Variants in DCC observed in about 807,000 individuals in gnomAD.
DCC encodes the protein netrin receptor DCC.
DCC carries 58 observed loss-of-function variants against 172.5 expected under a neutral mutation model. The observed-to-expected ratio is 0.34, with a 90% CI of 0.27 to 0.42. The LOEUF is 0.42. Ranked by LOEUF, DCC falls within the 10% of genes least tolerant of loss-of-function variation. The pLI, the probability that DCC is intolerant of heterozygous loss-of-function variation, is 1.00. For synonymous variants in DCC, 709 were observed against 644.5 expected, an observed-to-expected ratio of 1.10 and a Z score of -1.52; for missense variants, 1,740 against 1,791.0, an observed-to-expected ratio of 0.97 and a Z score of 0.51.
chr18:52,888,933 A>G (rs2039607665), intron 2 of DCC, among the ~76,000 whole-genome samples: 1 of 152,108 alleles, frequency 6.6e-6, no homozygotes, highest in Non-Finnish European at 1.5e-5. Flanking sequence ...ACATATATAT[A>G]CATACAAGCA....
At chr18:52,562,901 A>G (rs1332316697) in intron 1 of DCC, among the ~76,000 whole-genome samples, 4 of 152,050 alleles carry the variant, frequency 2.6e-5, no homozygotes, top group African/African-American at 4.8e-5. Context: ...AAGTGCTGGG[A>G]TTACAGGTGT....
At chr18:53,012,311 C>G (rs1399639792) in intron 5 of DCC, among the ~76,000 whole-genome samples, 1 of 152,006 alleles carries the variant, frequency 6.6e-6, no homozygotes, top group East Asian at 1.9e-4. Context: ...ATAAAATAAA[C>G]AATTTTGATG....
At chr18:52,448,211 AC>A (rs1988186411) in intron 1 of DCC, among the ~76,000 whole-genome samples, 1 of 152,196 alleles carries the variant, frequency 6.6e-6, no homozygotes, top group Admixed American at 6.5e-5. Flanking sequence ...CGAGGGATCG[AC>A]ATTGTGTGCT....
intron 12 of DCC, among the ~76,000 whole-genome samples, chr18:53,235,919 C>T (rs182212015): frequency 1.1e-4 from 16 of 152,142 alleles, no homozygotes; most frequent in East Asian, 5.8e-4. Context: ...TTCTGAGATC[C>T]ATGCATGGTA....
At chr18:52,963,616 T>C (rs1036363982) in intron 5 of DCC, among the ~76,000 whole-genome samples, 4 of 151,984 alleles carry the variant, frequency 2.6e-5, no homozygotes, top group African/African-American at 9.7e-5. Flanking sequence ...TGGGAAGGTG[T>C]TGTGGAGGCC....
At chr18:53,052,804 C>G (rs537477892) in intron 5 of DCC, among the ~76,000 whole-genome samples, 2 of 152,162 alleles carry the variant, frequency 1.3e-5, no homozygotes, top group African/African-American at 4.8e-5. Context: ...AAACCAACCT[C>G]CATCCCCTGT....
chr18:52,809,799 A>G (rs2038160431), intron 2 of DCC, among the ~76,000 whole-genome samples: 2 of 151,996 alleles, frequency 1.3e-5, no homozygotes, highest in Admixed American at 1.3e-4. Flanking sequence ...GCCACTCCCA[A>G]CTCGAATGCC....
intron 24 of DCC, 108 bp downstream of exon 24, chr18:53,459,566 G>A: frequency 1.3e-6 from 1 of 761,664 alleles, no homozygotes; most frequent in Non-Finnish European, 2.3e-6. Flanking sequence ...ATGTCATTAT[G>A]GGTCATTTAT....
At chr18:52,373,923 C>G (rs112281557) in intron 1 of DCC, among the ~76,000 whole-genome samples, 7 of 132,854 alleles carry the variant, frequency 5.3e-5, no homozygotes, top group African/African-American at 2.0e-4. Flanking sequence ...GACGGAGTCT[C>G]GCTCTGTCAT....
intron 25 of DCC, among the ~76,000 whole-genome samples, chr18:53,475,323 G>C (rs1462481744): frequency 6.6e-6 from 1 of 152,174 alleles, no homozygotes; most frequent in Non-Finnish European, 1.5e-5. Flanking sequence ...CAATATAATA[G>C]GGGAAATGTT....
At chr18:53,157,309 A>G (rs1247036803) in intron 7 of DCC, 47 bp from the exon 8 acceptor site, 1 of 1,612,852 alleles carries the variant, frequency 6.2e-7, no homozygotes, top group South Asian at 1.1e-5. Flanking sequence ...CCCAATTCTT[A>G]CCTATGGCAG....
At chr18:52,901,954 A>C (rs773089494) in intron 2 of DCC, among the ~76,000 whole-genome samples, 1 of 152,198 alleles carries the variant, frequency 6.6e-6, no homozygotes, top group Non-Finnish European at 1.5e-5. Context: ...AAAATTTAAA[A>C]GGTGGAGTGA....
intron 2 of DCC, among the ~76,000 whole-genome samples, chr18:52,835,486 A>G (rs551250980): frequency 6.6e-6 from 1 of 152,308 alleles, no homozygotes; most frequent in South Asian, 2.1e-4. Flanking sequence ...GAAAATGTTG[A>G]AGGAAATATG....
intron 5 of DCC, among the ~76,000 whole-genome samples, chr18:52,929,225 A>G (rs990061148): frequency 6.6e-6 from 1 of 152,122 alleles, no homozygotes; most frequent in African/African-American, 2.4e-5. Context: ...TAGCACAGAA[A>G]GATAAGTGGC....
At position 53,531,657 on chromosome 18, in the gene DCC, C is replaced by T. The variant is rs2046526568; in HGVS notation, c.*1004C>T. 1 of 152,168 alleles carries T rather than the reference C, an allele frequency of 6.6e-6. No individual in the cohort carries two copies. Among genetic ancestry groups the T allele is most frequent in the Non-Finnish European group, 1.5e-5 (1 of 68,048 alleles). The allele number at this position is 152,168 out of a possible 1,614,324, so 9.4% of individuals were successfully genotyped here. ...TGGTGCACTGGCCAATGTCGCCTGT[C>T]TTCTAATCCCGTAGAAATGGCAGAC... On this transcript the variant is annotated 3_prime_UTR_variant, in exon 29 of 29. Coordinates refer to ENST00000442544, the MANE Select transcript of DCC (RefSeq NM_005215.4).
chr18:52,974,611 G>A (rs1236228925), intron 5 of DCC, among the ~76,000 whole-genome samples: 2 of 152,200 alleles, frequency 1.3e-5, no homozygotes, highest in African/African-American at 4.8e-5. Flanking sequence ...GAGAATATAT[G>A]AGAATAAATA....
chr18:52,677,609 C>A (rs1348265967), intron 1 of DCC, among the ~76,000 whole-genome samples: 1 of 152,078 alleles, frequency 6.6e-6, no homozygotes, highest in African/African-American at 2.4e-5. Flanking sequence ...GGAAGAAATG[C>A]CTTTCTTTGG....
At chr18:52,849,360 C>T (rs992929190) in intron 2 of DCC, among the ~76,000 whole-genome samples, 1 of 152,076 alleles carries the variant, frequency 6.6e-6, no homozygotes, top group African/African-American at 2.4e-5. Context: ...AGACTGATTC[C>T]CTGCCAGTCT....
intron 5 of DCC, among the ~76,000 whole-genome samples, chr18:53,061,658 A>G (rs1568278452): frequency 6.6e-6 from 1 of 152,118 alleles, no homozygotes; most frequent in Non-Finnish European, 1.5e-5. Flanking sequence ...TCAAGTGGCA[A>G]AAGAGACAGT....
Sources: gnomAD v4.1 joint callset for allele counts (sites outside exome capture counted in the v4.1 genomes callset) on GRCh38, gnomAD v4.1.1 for gene constraint, MANE v1.5 for transcripts, NCBI Gene and HGNC (gene_info 2026-07-23, HGNC 2026-07-21) for gene names.